ANO10: variants seen among roughly 807,000 people sequenced by gnomAD.
ANO10 encodes anoctamin-10.
ANO10 carries 77 observed loss-of-function variants against 74.7 expected under a neutral mutation model. The observed-to-expected ratio is 1.03, with a 90% CI of 0.86 to 1.25. ANO10 has a LOEUF of 1.25. Among genes scored for constraint, ANO10 ranks in the 50% most tolerant of loss-of-function variants. The pLI is 0.00. For synonymous variants in ANO10, 279 were observed against 284.9 expected, an observed-to-expected ratio of 0.98 and a Z score of 0.21; for missense variants, 721 against 778.1, an observed-to-expected ratio of 0.93 and a Z score of 0.87.
chr3:43,655,496 G>A (rs1345371474), intron 1 of ANO10, among the ~76,000 whole-genome samples: 4 of 152,194 alleles, frequency 2.6e-5, no homozygotes, highest in South Asian at 2.1e-4. Flanking sequence ...GGACCCAAGC[G>A]GGTTGCCACT....
At chr3:43,373,773 G>A (rs572840209) in intron 12 of ANO10, among the ~76,000 whole-genome samples, 1 of 152,126 alleles carries the variant, frequency 6.6e-6, no homozygotes, top group Non-Finnish European at 1.5e-5. Flanking sequence ...CCAAATCTGG[G>A]AGTTGGAATC....
At chr3:43,602,712 C>T (rs1012746303) in intron 2 of ANO10, among the ~76,000 whole-genome samples, 1 of 152,180 alleles carries the variant, frequency 6.6e-6, no homozygotes. Context: ...GTTTGGTGAT[C>T]TTTCATTACA....
At chr3:43,484,912 T>C in intron 11 of ANO10, 1 of 709,840 alleles carries the variant, frequency 1.4e-6, no homozygotes, top group Non-Finnish European at 2.3e-6. Context: ...TTATGTCTTT[T>C]TTTTTTCACC....
intron 12 of ANO10, among the ~76,000 whole-genome samples, chr3:43,367,177 T>G (rs1402390633): frequency 6.6e-6 from 1 of 152,220 alleles, no homozygotes; most frequent in Admixed American, 6.5e-5. Context: ...AATGTCGCAC[T>G]GTGTGAGCCC....
intron 12 of ANO10, among the ~76,000 whole-genome samples, chr3:43,409,698 T>C (rs1369529818): frequency 6.6e-6 from 1 of 152,172 alleles, no homozygotes; most frequent in African/African-American, 2.4e-5. Context: ...CTGGAATGAA[T>C]TTTTACCAGT....
intron 7 of ANO10, among the ~76,000 whole-genome samples, chr3:43,568,683 G>T (rs1298072386): frequency 4.0e-5 from 6 of 149,604 alleles, no homozygotes; most frequent in African/African-American, 1.5e-4. Flanking sequence ...CGCATTCAAA[G>T]CAGTGTGTAG....
At chr3:43,463,979 G>A (rs191955364) in intron 11 of ANO10, among the ~76,000 whole-genome samples, 1 of 152,272 alleles carries the variant, frequency 6.6e-6, no homozygotes, top group East Asian at 1.9e-4. Context: ...AGTCTCATGA[G>A]GAGTTCCACG....
chr3:43,646,011 T>C (rs1296164452), intron 1 of ANO10, among the ~76,000 whole-genome samples: 1 of 152,124 alleles, frequency 6.6e-6, no homozygotes, highest in African/African-American at 2.4e-5. Flanking sequence ...TTTTGCCATG[T>C]TGCCCAGGCT....
At chr3:43,658,753 C>A (rs187423870) in intron 1 of ANO10, among the ~76,000 whole-genome samples, 232 of 152,250 alleles carry the variant, frequency 1.5e-3, no homozygotes, top group Middle Eastern at 3.4e-3. Flanking sequence ...CAGGCATTAG[C>A]CACCACACCC....
At chr3:43,645,764 A>G (rs2083719841) in intron 1 of ANO10, among the ~76,000 whole-genome samples, 1 of 152,138 alleles carries the variant, frequency 6.6e-6, no homozygotes, top group Non-Finnish European at 1.5e-5. Flanking sequence ...CTCTGCACTT[A>G]GCTTTTCAAA....
At chr3:43,479,948 C>T (rs76136732) in intron 11 of ANO10, among the ~76,000 whole-genome samples, 2,866 of 152,192 alleles carry the variant, frequency 0.019, 149 homozygotes, top group Admixed American at 0.11. Context: ...ATAATGAAAA[C>T]GCCTTTCCAC....
chr3:43,513,372 T>G (rs1427868931), intron 11 of ANO10, among the ~76,000 whole-genome samples: 1 of 152,200 alleles, frequency 6.6e-6, no homozygotes, highest in Non-Finnish European at 1.5e-5. Flanking sequence ...TATAATATCT[T>G]GAGGGTAAAC....
chr3:43,499,473 T>C (rs980285875), intron 11 of ANO10, among the ~76,000 whole-genome samples: 2 of 152,010 alleles, frequency 1.3e-5, no homozygotes, highest in African/African-American at 4.8e-5. Flanking sequence ...AGGAGGAGCA[T>C]TGAGCAGGGG....
At chr3:43,581,922 T>A (rs2081278894) in intron 4 of ANO10, among the ~76,000 whole-genome samples, 1 of 143,508 alleles carries the variant, frequency 7.0e-6, no homozygotes, top group African/African-American at 2.6e-5. Context: ...CAAGACCTCA[T>A]CTCGAAAAAA....
intron 1 of ANO10, among the ~76,000 whole-genome samples, chr3:43,620,772 A>T (rs1239466479): frequency 6.6e-6 from 1 of 152,246 alleles, no homozygotes. Flanking sequence ...CTCAAAAAAA[A>T]CAAAAAGAAA....
intron 12 of ANO10, among the ~76,000 whole-genome samples, chr3:43,426,081 C>T (rs1441568332): frequency 2.0e-5 from 3 of 152,152 alleles, no homozygotes; most frequent in South Asian, 4.1e-4. Flanking sequence ...AATTTGAATC[C>T]ACCTATGACC....
At chr3:43,431,002 G>A (rs978883866) in intron 12 of ANO10, among the ~76,000 whole-genome samples, 6 of 151,530 alleles carry the variant, frequency 4.0e-5, no homozygotes, top group Admixed American at 6.6e-5. Flanking sequence ...GATAAACTTT[G>A]TAACTTGCTT....
chr3:43,556,986 G>A (rs1432581978), intron 9 of ANO10, among the ~76,000 whole-genome samples: 1 of 152,110 alleles, frequency 6.6e-6, no homozygotes, highest in African/African-American at 2.4e-5. Flanking sequence ...GAAATAACAG[G>A]AGAGTTCAGC....
At chr3:43,370,006 T>C (rs192246988) in intron 12 of ANO10, among the ~76,000 whole-genome samples, 39 of 152,244 alleles carry the variant, frequency 2.6e-4, no homozygotes, top group Non-Finnish European at 4.4e-4. Flanking sequence ...GGTAAACCAA[T>C]TGCTATCTAC....
Sources: allele counts gnomAD v4.1 joint callset (sites outside exome capture counted in the v4.1 genomes callset), GRCh38; gene constraint gnomAD v4.1.1; transcripts MANE v1.5; gene names NCBI Gene and HGNC (gene_info 2026-07-23, HGNC 2026-07-21).